The following POLR2M variants were observed in gnomAD, a reference collection of about 807,000 sequenced individuals.
POLR2M encodes the protein protein GRINL1A.
A neutral mutation model predicts 34.6 loss-of-function variants in POLR2M; 30 were observed. The ratio of observed to expected loss-of-function variants is 0.87; its 90% CI spans 0.65 to 1.18. POLR2M has a LOEUF of 1.18. Ranked by LOEUF, POLR2M falls within the 50% of genes most tolerant of loss-of-function variation. The pLI, the probability that POLR2M is intolerant of heterozygous loss-of-function variation, is 0.00. For missense variants in POLR2M, 432 were observed against 448.7 expected (o/e 0.96, Z 0.34); for synonymous variants, 150 against 166.7 (o/e 0.90, Z 0.77).
Position 57,717,314 on chromosome 15 carries a change from C to G in POLR2M, c.*2635C>G, listed in dbSNP as rs1372266114. 1 of 152,142 alleles carries G rather than the reference C, an allele frequency of 6.6e-6. No individual in the cohort carries two copies. The highest frequency in any genetic ancestry group is 2.4e-5 in the African/African-American group (1 of 41,438). 9.4% of individuals were successfully genotyped at this position (152,142 alleles called of 1,614,324 possible). ...ATAACTTACAAATAAGTACTTAAAA[C>G]AGAGCTTAATGGGTAAAGCAACAGC... On this transcript the variant is annotated 3_prime_UTR_variant, in exon 4 of 4. Coordinates refer to ENST00000299638, the MANE Select transcript of POLR2M (RefSeq NM_015532.5).
intron 3 of POLR2M, among the ~76,000 whole-genome samples, chr15:57,713,206 A>C (rs932267493): frequency 3.3e-5 from 5 of 151,634 alleles, no homozygotes; most frequent in African/African-American, 1.2e-4. Context: ...TCAAAAAAAA[A>C]AACAACAAAA....
At chr15:57,714,458 TCTAG>T in intron 3 of POLR2M, 74 bp from the exon 4 acceptor site, 12 of 1,584,014 alleles carry the variant, frequency 7.6e-6, no homozygotes, top group Non-Finnish European at 9.4e-6. Context: ...TATTGCTGAT[TCTAG>T]GTAACTTCCC....
At chr15:57,711,857 G>T in intron 2 of POLR2M, 127 bp from the exon 3 acceptor site, 1 of 1,134,458 alleles carries the variant, frequency 8.8e-7, no homozygotes. Flanking sequence ...ATGAATACTG[G>T]TAAATTACTT....
rs563719451 is a variant in POLR2M, at chr15:57,717,244, T to A, written c.*2565T>A. 6.6e-6 allele frequency: 1 copy of A among 152,380 alleles called. No homozygotes were observed. The highest frequency in any genetic ancestry group is 2.4e-5 in the African/African-American group (1 of 41,584). 9.4% of individuals were successfully genotyped at this position (152,380 alleles called of 1,614,324 possible). On this transcript the variant is annotated 3_prime_UTR_variant, in exon 4 of 4. Coordinates refer to ENST00000299638, the MANE Select transcript of POLR2M (RefSeq NM_015532.5). ...TATCGCTTTAATTGGTGTTAATATT[T>A]GGTAGTACACAGGTTCTCCCTTGTT...
chr15:57,709,508 T>C (rs972449789), intron 2 of POLR2M, 150 bp downstream of exon 2: 4 of 872,074 alleles, frequency 4.6e-6, no homozygotes, highest in Non-Finnish European at 7.1e-6. Context: ...CCAGGAGTTG[T>C]AGACCAGCTT....
chr15:57,707,066 A>G (rs1458484695), intron 1 of POLR2M, 111 bp downstream of exon 1: 3 of 1,551,434 alleles, frequency 1.9e-6, no homozygotes, highest in Non-Finnish European at 2.6e-6. Context: ...ACTTTGACTC[A>G]GTCACATTCG....
intron 2 of POLR2M, among the ~76,000 whole-genome samples, chr15:57,711,115 T>C (rs555259960): frequency 6.6e-6 from 1 of 152,198 alleles, no homozygotes; most frequent in Non-Finnish European, 1.5e-5. Context: ...GTGATTTCCA[T>C]ATTCCCTAAT....
chr15:57,710,582 T>A (rs2040669061), intron 2 of POLR2M, among the ~76,000 whole-genome samples: 2 of 152,206 alleles, frequency 1.3e-5, no homozygotes, highest in Non-Finnish European at 1.5e-5. Context: ...TACAGTGGGG[T>A]ATCTTTCTTC....
In POLR2M at chr15:57,706,968, C is replaced by T. The variant is rs753827924; in HGVS notation, c.113+13C>T. The T allele has an allele frequency of 5.1e-6, 8 of 1,576,768 alleles. No individual in the cohort carries two copies. The South Asian group carries it at 5.8e-5, about 11-fold the overall frequency. ...TTTTGCGCAACGAGTAAGCTGGGGTCCCGCGGAGTCTCCGCCAGGCTCCTT... is the reference window on the plus strand; with the variant it reads ...TTTTGCGCAACGAGTAAGCTGGGGTTCCGCGGAGTCTCCGCCAGGCTCCTT... On this transcript the variant is annotated intron_variant, in intron 1 of 3. Transcript: ENST00000299638.
Position 57,709,312 on chromosome 15 carries a change from C to A in POLR2M, c.712C>A (p.Arg238=), listed in dbSNP as rs746134082. ...KPHYMEVLEM[R]AKNPVPQLRK... is the part of the protein sequence containing the mutation. ...TCATTACATGGAAGTGCTAGAAATG[C>A]GAGCCAAAAACCCAGTGCCCCAGCT... is the stretch of plus-strand genomic sequence containing the variant. The change falls in exon 2 of 4, where the codon CGA becomes AGA. Residue 238 remains arginine, a synonymous_variant. Transcript: ENST00000299638. The A allele has an allele frequency of 2.1e-5, 34 of 1,613,800 alleles. No individual in the cohort carries two copies. The highest frequency in any genetic ancestry group is 1.5e-4 in the Admixed American group (9 of 59,952).
At chr15:57,707,169 A>C (rs2040524695) in intron 1 of POLR2M, 14 of 1,498,792 alleles carry the variant, frequency 9.3e-6, no homozygotes, top group Non-Finnish European at 1.2e-5. Flanking sequence ...GATAGCTCGG[A>C]TTGAACGGCT....
In POLR2M at chr15:57,714,596, A is replaced by G; in HGVS notation, c.1024A>G (p.Ser342Gly). The G allele has an allele frequency of 6.2e-7, 1 of 1,613,596 alleles. No individual in the cohort carries two copies. The highest frequency in any genetic ancestry group is 8.5e-7 in the Non-Finnish European group (1 of 1,179,860). The change falls in exon 4 of 4, where the codon AGT becomes GGT. Residue 342 changes from serine (S) to glycine (G), a missense_variant. Coordinates refer to ENST00000299638, the MANE Select transcript of POLR2M (RefSeq NM_015532.5). ...LAERLNIKMR[S>G]YNPEGESSGR... ...TGAAAGACTGAATATTAAAATGCGG[A>G]GTTATAATCCAGAAGGGGAGTCTTC...
rs776646535 is a variant in POLR2M at position 57,706,791 on chromosome 15, C to T, written c.-52C>T. ...CGCGGATCCGGCGCTAGTAGCGGGG[C>T]CTGCCGAGGAAGCCGAGTGCCCGCC... On this transcript the variant is annotated 5_prime_UTR_variant, in exon 1 of 4. Coordinates refer to ENST00000299638, the MANE Select transcript of POLR2M (RefSeq NM_015532.5). 3 of 1,535,658 alleles carry T rather than the reference C, an allele frequency of 2.0e-6. No homozygotes were observed. The Admixed American group carries it at 5.9e-5, about 30-fold the overall frequency.
In POLR2M at chr15:57,716,851, A is replaced by C. The variant is rs2040967175; in HGVS notation, c.*2172A>C. 1 of 152,154 alleles carries C rather than the reference A, an allele frequency of 6.6e-6. No individual in the cohort carries two copies. Among genetic ancestry groups the C allele is most frequent in the East Asian group, 1.9e-4 (1 of 5,200 alleles). The allele number at this position is 152,154 out of a possible 1,614,324, so 9.4% of individuals were successfully genotyped here. ...TTTCTTTAGGAGTCTACCTTTGTGTATGTGCTTGAAAGTATTTTTGTAATC... is the reference window on the plus strand; with the variant it reads ...TTTCTTTAGGAGTCTACCTTTGTGTCTGTGCTTGAAAGTATTTTTGTAATC... On this transcript the variant is annotated 3_prime_UTR_variant, in exon 4 of 4. Coordinates refer to ENST00000299638, the MANE Select transcript of POLR2M (RefSeq NM_015532.5).
Position 57,715,047 on chromosome 15 carries a change from T to TA in POLR2M, c.*369dup, listed in dbSNP as rs1291517594. The TA allele has an allele frequency of 5.3e-6, 1 of 188,318 alleles. No individual in the cohort carries two copies. The highest frequency in any genetic ancestry group is 2.4e-5 in the African/African-American group (1 of 41,754). 11.7% of individuals were successfully genotyped at this position (188,318 alleles called of 1,614,324 possible). ...ATTTATTACATGTCTTTCAGTGAAA[T>TA]ACTTAGTTGTTCCAGGCACCTAAAA... On this transcript the variant is annotated 3_prime_UTR_variant, in exon 4 of 4. Coordinates refer to ENST00000299638, the MANE Select transcript of POLR2M (RefSeq NM_015532.5).
At chr15:57,711,675 A>C (rs2040719802) in intron 2 of POLR2M, among the ~76,000 whole-genome samples, 1 of 151,700 alleles carries the variant, frequency 6.6e-6, no homozygotes. Context: ...ATTGTATTGC[A>C]CTGAAACTTT....
At chr15:57,707,455 T>C in intron 1 of POLR2M, 1 of 580,234 alleles carries the variant, frequency 1.7e-6, no homozygotes, top group Non-Finnish European at 3.2e-6. Flanking sequence ...TAAAAGTGAT[T>C]TTGTTTTTTA....
At position 57,711,847 on chromosome 15, in the gene POLR2M, A is replaced by G. The variant is rs528191676; in HGVS notation, c.759-137A>G. On this transcript the variant is annotated intron_variant, in intron 2 of 3. Coordinates refer to ENST00000299638, the MANE Select transcript of POLR2M (RefSeq NM_015532.5). The stretch of plus-strand genomic sequence containing the variant: ...AAACACACCCCTATTTGTTAGAGCA[A>G]TGAATACTGGTAAATTACTTACTGT... 45 of 1,037,714 alleles carry G rather than the reference A, an allele frequency of 4.3e-5. No individual in the cohort carries two copies. In the Middle Eastern group the frequency reaches 1.3e-3, roughly 29 times the overall value. The allele number at this position is 1,037,714 out of a possible 1,614,324, so 64.3% of individuals were successfully genotyped here. A position where few individuals can be genotyped will look rare whatever the true frequency, so the allele number is the denominator to read the frequency against.
chr15:57,715,169 A>C lies in POLR2M; in HGVS notation c.*490A>C, dbSNP rs1375432418. ...TTGCATGGGGTTATTGAGACATTGGATGTGAAATACCTAGGAAGACATGTA... is the reference window on the plus strand; with the variant it reads ...TTGCATGGGGTTATTGAGACATTGGCTGTGAAATACCTAGGAAGACATGTA... On this transcript the variant is annotated 3_prime_UTR_variant, in exon 4 of 4. Transcript: ENST00000299638. 6.5e-6 allele frequency: 1 copy of C among 154,720 alleles called. No homozygotes were observed. Among genetic ancestry groups the C allele is most frequent in the Non-Finnish European group, 1.4e-5 (1 of 69,716 alleles). 9.6% of individuals were successfully genotyped at this position (154,720 alleles called of 1,614,324 possible).
Sources: gnomAD v4.1 joint callset for allele counts (sites outside exome capture counted in the v4.1 genomes callset) on GRCh38, gnomAD v4.1.1 for gene constraint, MANE v1.5 for transcripts, NCBI Gene and HGNC (gene_info 2026-07-23, HGNC 2026-07-21) for gene names.